Variants in TTC27 observed in about 807,000 individuals in gnomAD.
TTC27 encodes tetratricopeptide repeat protein 27.
A neutral mutation model predicts 115.9 loss-of-function variants in TTC27; 79 were observed. The ratio of observed to expected loss-of-function variants is 0.68; its 90% CI spans 0.57 to 0.82. The LOEUF (loss-of-function observed/expected upper bound fraction) is 0.82, where lower values mean the gene tolerates loss of function less well. TTC27 is among the 40% of genes least tolerant of loss of function. TTC27 has a pLI of 0.00. For missense variants in TTC27, 1,054 were observed against 993.1 expected, an observed-to-expected ratio of 1.06 and a Z score of -0.82; for synonymous variants, 401 against 356.0, an observed-to-expected ratio of 1.13 and a Z score of -1.42.
At chr2:32,646,293 G>A (rs1664857446) in intron 4 of TTC27, among the ~76,000 whole-genome samples, 1 of 152,056 alleles carries the variant, frequency 6.6e-6, no homozygotes, top group Admixed American at 6.6e-5. Context: ...CTCCCACAGT[G>A]CTGGGATTAC....
At chr2:32,779,470 AC>A (rs1378450122) in intron 14 of TTC27, among the ~76,000 whole-genome samples, 1 of 151,978 alleles carries the variant, frequency 6.6e-6, no homozygotes, top group Non-Finnish European at 1.5e-5. Flanking sequence ...TCACATCCTT[AC>A]CCATTTTTAA....
chr2:32,726,592 C>G (rs1189466461), intron 10 of TTC27, among the ~76,000 whole-genome samples: 1 of 152,212 alleles, frequency 6.6e-6, no homozygotes, highest in East Asian at 1.9e-4. Flanking sequence ...AGCCATTCAA[C>G]AAGTCTGTAA....
intron 10 of TTC27, among the ~76,000 whole-genome samples, chr2:32,707,282 C>T (rs114895839): frequency 2.5e-3 from 375 of 152,216 alleles, no homozygotes; most frequent in African/African-American, 8.6e-3. Flanking sequence ...GAGGGTCATC[C>T]CCTGGCAGAA....
chr2:32,726,929 T>G (rs1234760456), intron 10 of TTC27, among the ~76,000 whole-genome samples: 1 of 152,122 alleles, frequency 6.6e-6, no homozygotes, highest in Non-Finnish European at 1.5e-5. Flanking sequence ...GAAAGAGAGC[T>G]TTTGCAGGGG....
chr2:32,798,562 A>G (rs1670797961), intron 16 of TTC27, among the ~76,000 whole-genome samples: 1 of 150,954 alleles, frequency 6.6e-6, no homozygotes, highest in African/African-American at 2.4e-5. Flanking sequence ...AAAATTAGCC[A>G]GGCGTGGTGG....
chr2:32,662,133 G>A (rs1371173961), intron 5 of TTC27, among the ~76,000 whole-genome samples: 3 of 152,156 alleles, frequency 2.0e-5, no homozygotes, highest in African/African-American at 7.2e-5. Context: ...CATTGTGGTG[G>A]ATAAGCTTTT....
chr2:32,688,210 C>T (rs1224936776), intron 9 of TTC27, among the ~76,000 whole-genome samples: 2 of 152,064 alleles, frequency 1.3e-5, no homozygotes, highest in African/African-American at 4.8e-5. Flanking sequence ...GTAAACCAAA[C>T]AATTAAACTG....
chr2:32,773,150 G>A (rs1029153646), intron 13 of TTC27, among the ~76,000 whole-genome samples: 1 of 152,188 alleles, frequency 6.6e-6, no homozygotes, highest in Non-Finnish European at 1.5e-5. Context: ...GCCTGCTTTT[G>A]TGTTTCTCTA....
chr2:32,770,881 A>C (rs1323663381), intron 13 of TTC27, among the ~76,000 whole-genome samples: 1 of 152,246 alleles, frequency 6.6e-6, no homozygotes, highest in Non-Finnish European at 1.5e-5. Context: ...GTTGGAACTC[A>C]CATTCCAATA....
At chr2:32,778,254 TA>T (rs2148013494) in intron 14 of TTC27, among the ~76,000 whole-genome samples, 1 of 152,362 alleles carries the variant, frequency 6.6e-6, no homozygotes, top group East Asian at 1.9e-4. Flanking sequence ...TGTCATTCAT[TA>T]GTATGTCCTG....
At chr2:32,640,664 G>GCAGAAATC (rs1357639380) in intron 4 of TTC27, among the ~76,000 whole-genome samples, 1 of 151,822 alleles carries the variant, frequency 6.6e-6, no homozygotes, top group Non-Finnish European at 1.5e-5. Context: ...ATGTTCATTT[G>GCAGAAATC]CAGAAATCTT....
intron 8 of TTC27, 21 bp from the exon 9 acceptor site, chr2:32,678,835 C>A (rs774721112): frequency 6.4e-7 from 1 of 1,572,188 alleles, no homozygotes; most frequent in Non-Finnish European, 8.7e-7. Context: ...AATTAATTTA[C>A]CTTTTTTTCT....
chr2:32,762,791 G>A (rs1669490796), intron 13 of TTC27, among the ~76,000 whole-genome samples: 1 of 152,160 alleles, frequency 6.6e-6, no homozygotes, highest in Admixed American at 6.5e-5. Flanking sequence ...ACAGGCACAT[G>A]CCACCATGCC....
intron 18 of TTC27, among the ~76,000 whole-genome samples, chr2:32,816,550 C>T (rs897877386): frequency 1.3e-5 from 2 of 152,178 alleles, no homozygotes; most frequent in Non-Finnish European, 2.9e-5. Context: ...ATAGCCAGGC[C>T]TTCTACCAGG....
chr2:32,700,015 GC>G (rs1667129974), intron 9 of TTC27, among the ~76,000 whole-genome samples: 1 of 152,178 alleles, frequency 6.6e-6, no homozygotes, highest in African/African-American at 2.4e-5. Context: ...CATGGGCTGA[GC>G]TGGTCTGTGC....
At chr2:32,632,079 G>A (rs534272441) in intron 2 of TTC27, among the ~76,000 whole-genome samples, 8 of 151,686 alleles carry the variant, frequency 5.3e-5, no homozygotes, top group Non-Finnish European at 1.2e-4. Context: ...CCAAAGTGCT[G>A]GGATTACAGA....
intron 4 of TTC27, among the ~76,000 whole-genome samples, chr2:32,641,674 A>G (rs1206151700): frequency 1.3e-5 from 2 of 151,852 alleles, no homozygotes; most frequent in African/African-American, 2.4e-5. Flanking sequence ...AAGAAATGCA[A>G]TAGTTCTTTC....
At position 32,664,530 on chromosome 2, in the gene TTC27, G is replaced by A. The variant is rs1665693462; in HGVS notation, c.805+63G>A. On this transcript the variant is annotated intron_variant, in intron 6 of 19. Coordinates refer to ENST00000317907, the MANE Select transcript of TTC27 (RefSeq NM_017735.5). Reference sequence around the variant, plus strand: ...TATGATAAAACTATATACATTGGCAGTTTGTATTGTATGTTGGTATTAGAT... The same window carrying A: ...TATGATAAAACTATATACATTGGCAATTTGTATTGTATGTTGGTATTAGAT... 3 of 1,412,612 alleles carry A rather than the reference G, an allele frequency of 2.1e-6. 1 individual carries two copies. Among genetic ancestry groups the A allele is most frequent in the Non-Finnish European group, 2.9e-6 (3 of 1,035,170 alleles). The allele number at this position is 1,412,612 out of a possible 1,614,324, so 87.5% of individuals were successfully genotyped here.
intron 10 of TTC27, among the ~76,000 whole-genome samples, chr2:32,727,286 T>C (rs1324415373): frequency 3.3e-5 from 5 of 152,216 alleles, no homozygotes; most frequent in Admixed American, 1.3e-4. Context: ...TGTGTCCACA[T>C]TGGGAAGATC....
Sources: allele counts gnomAD v4.1 joint callset (sites outside exome capture counted in the v4.1 genomes callset), GRCh38; gene constraint gnomAD v4.1.1; transcripts MANE v1.5; gene names NCBI Gene and HGNC (gene_info 2026-07-23, HGNC 2026-07-21).